The following SCUBE2 variants were observed in gnomAD, a reference collection of about 807,000 sequenced individuals.
SCUBE2 encodes the protein signal peptide, CUB domain and EGF like domain containing 2.
A neutral mutation model predicts 125.9 loss-of-function variants in SCUBE2; 114 were observed. The ratio of observed to expected loss-of-function variants is 0.91; its 90% CI spans 0.78 to 1.06. SCUBE2 has a LOEUF of 1.06. Ranked by LOEUF, SCUBE2 falls within the 50% of genes least tolerant of loss-of-function variation. SCUBE2 has a pLI of 0.00. For missense variants in SCUBE2, 1,255 were observed against 1,301.8 expected (o/e 0.96, Z 0.55); for synonymous variants, 459 against 492.9 (o/e 0.93, Z 0.91).
At position 9,047,362 on chromosome 11, in the gene SCUBE2, G is replaced by T; in HGVS notation, c.1996C>A (p.Gln666Lys). 1 of 1,614,090 alleles carries T rather than the reference G, an allele frequency of 6.2e-7. No homozygotes were observed. The highest frequency in any genetic ancestry group is 1.1e-5 in the South Asian group (1 of 91,066). ...AATGTCCCAGGCCACTCACCACATT[G>T]GTTTTCTGCATGACCCTGGCCCACT... ...CGVGQGHAEN[Q>K]CVSCRAGTYY... Residue 666 changes from glutamine to lysine, a missense_variant, in exon 16 of 23, where the codon CAA (glutamine) becomes AAA (lysine). By Grantham distance (53) the Gln-to-Lys change is moderately conservative. Coordinates refer to ENST00000649792, the MANE Select transcript of SCUBE2 (RefSeq NM_001367977.2).
chr11:9,081,673 CAA>C (rs76482625), intron 2 of SCUBE2, among the ~76,000 whole-genome samples: 11 of 82,126 alleles, frequency 1.3e-4, no homozygotes, highest in African/African-American at 3.6e-4. Flanking sequence ...AACAAACAAA[CAA>C]AAAAAAAAAA....
chr11:9,030,643 C>T (rs1304171663), intron 18 of SCUBE2, 115 bp downstream of exon 18: 6 of 1,071,554 alleles, frequency 5.6e-6, no homozygotes, highest in African/African-American at 1.6e-5. Context: ...GGGACCTGAA[C>T]CCCCAGCCAC....
intron 16 of SCUBE2, among the ~76,000 whole-genome samples, chr11:9,036,340 G>T: frequency 6.6e-6 from 1 of 152,192 alleles, no homozygotes; most frequent in East Asian, 1.9e-4. Context: ...ATATCGCTCT[G>T]GTTCCAGCCC....
intron 13 of SCUBE2, 110 bp downstream of exon 13, chr11:9,052,636 A>G (rs1858533095): frequency 2.6e-6 from 2 of 781,506 alleles, no homozygotes; most frequent in South Asian, 1.8e-5. Context: ...CACAGCATCA[A>G]GGAAATTAAC....
At chr11:9,031,049 C>G (rs1017539009) in intron 17 of SCUBE2, 124 bp from the exon 18 acceptor site, 1 of 811,724 alleles carries the variant, frequency 1.2e-6, no homozygotes, top group Non-Finnish European at 1.9e-6. Flanking sequence ...CCACCTCAGT[C>G]AGAGAGCACA....
chr11:9,091,498 C>T lies in SCUBE2; in HGVS notation c.31G>A (p.Ala11Thr), dbSNP rs1862739096. 1.8e-6 allele frequency: 2 copies of T among 1,105,788 alleles called. No homozygotes were observed. The highest frequency in any genetic ancestry group is 2.3e-6 in the Non-Finnish European group (2 of 863,282). The allele number at this position is 1,105,788 out of a possible 1,614,324, so 68.5% of individuals were successfully genotyped here. ...AGCAGCAGCAGCACCGCCCAGGCCGCCCCGGGACGGTTGCGGCCCGCGACC... is the reference window on the plus strand; with the variant it reads ...AGCAGCAGCAGCACCGCCCAGGCCGTCCCGGGACGGTTGCGGCCCGCGACC... MGVAGRNRPG[A>T]AWAVLLLLLL... is the part of the protein sequence containing the mutation. Residue 11 changes from alanine (A) to threonine (T), a missense_variant, in exon 1 of 23, where the codon GCG (alanine) becomes ACG (threonine). Transcript: ENST00000649792. This position sits in a 1 kb window ranked among gnomAD's most constrained non-coding sequence, Gnocchi z 8.5.
intron 6 of SCUBE2, among the ~76,000 whole-genome samples, chr11:9,066,240 C>T (rs1293990477): frequency 1.3e-5 from 2 of 152,210 alleles, no homozygotes; most frequent in African/African-American, 2.4e-5. Flanking sequence ...GGAATGCAAG[C>T]TTCAGTCCCC....
intron 13 of SCUBE2, among the ~76,000 whole-genome samples, chr11:9,051,906 G>C (rs1422966754): frequency 6.6e-6 from 1 of 152,194 alleles, no homozygotes; most frequent in Non-Finnish European, 1.5e-5. Context: ...TGCCCTGGCT[G>C]AGTCCAAACG....
chr11:9,034,819 G>GC (rs563047460), intron 16 of SCUBE2, among the ~76,000 whole-genome samples: 282 of 89,470 alleles, frequency 3.2e-3, no homozygotes, highest in African/African-American at 8.5e-3. Context: ...CGTCTCTACT[G>GC]AAAAAACAAA....
At chr11:9,064,892 C>T (rs1373758594) in intron 7 of SCUBE2, 1 of 152,032 alleles carries the variant, frequency 6.6e-6, no homozygotes, top group Non-Finnish European at 1.5e-5. Flanking sequence ...TGTCTGACTC[C>T]CACCCCCATG....
chr11:9,059,076 T>A (rs964145066), intron 9 of SCUBE2, among the ~76,000 whole-genome samples: 4 of 152,242 alleles, frequency 2.6e-5, no homozygotes, highest in African/African-American at 7.2e-5. Flanking sequence ...GATGGGTTCT[T>A]TAAGGTGTTC....
At chr11:9,057,688 GC>G (rs1859217711) in intron 9 of SCUBE2, among the ~76,000 whole-genome samples, 1 of 151,550 alleles carries the variant, frequency 6.6e-6, no homozygotes, top group East Asian at 1.9e-4. Flanking sequence ...CCTCCACCAT[GC>G]CCCCACCTAA....
At chr11:9,089,263 T>TAA (rs1862396649) in intron 2 of SCUBE2, among the ~76,000 whole-genome samples, 1 of 152,120 alleles carries the variant, frequency 6.6e-6, no homozygotes, top group Non-Finnish European at 1.5e-5. Flanking sequence ...GCCAAAGCCA[T>TAA]AAACAGGATG....
At chr11:9,033,539 G>T in intron 17 of SCUBE2, 87 bp downstream of exon 17, 2 of 1,458,494 alleles carry the variant, frequency 1.4e-6, no homozygotes, top group Non-Finnish European at 1.9e-6. Context: ...GGGTGAGTGT[G>T]CATTGTCTGG....
At chr11:9,072,301 C>A (rs1860867382) in intron 4 of SCUBE2, among the ~76,000 whole-genome samples, 1 of 152,170 alleles carries the variant, frequency 6.6e-6, no homozygotes, top group Non-Finnish European at 1.5e-5. Context: ...CTCCACCTCC[C>A]AGGTTCACGC....
At chr11:9,041,687 T>C (rs996562692) in intron 16 of SCUBE2, among the ~76,000 whole-genome samples, 4 of 151,788 alleles carry the variant, frequency 2.6e-5, no homozygotes, top group African/African-American at 9.7e-5. Flanking sequence ...TGAAGAGAAA[T>C]GGGAGGTAAG....
rs995888929 is a variant in SCUBE2 at position 9,019,689 on chromosome 11, T to G, written c.*1356A>C. 1.1e-4 allele frequency among the ~76,000 whole-genome samples: 16 copies of G among 152,344 alleles called. 1 individual carries two copies. The highest frequency in any genetic ancestry group is 3.8e-4 in the African/African-American group (16 of 41,580). ...TTTAACCATAATGAAGTTCTCTTTG[T>G]TTTCTTCAAAAATGCTTGTTAAACA... On this transcript the variant is annotated 3_prime_UTR_variant, in exon 23 of 23. Transcript: ENST00000649792.
chr11:9,025,644 GAA>G (rs766961429), intron 21 of SCUBE2, 56 bp downstream of exon 21: 1 of 1,572,626 alleles, frequency 6.4e-7, no homozygotes, highest in South Asian at 1.2e-5. Context: ...AGCTGGCTCC[GAA>G]GTTGGCTCTG....
At chr11:9,033,133 A>T (rs1190709476) in intron 17 of SCUBE2, among the ~76,000 whole-genome samples, 1 of 152,220 alleles carries the variant, frequency 6.6e-6, no homozygotes, top group Non-Finnish European at 1.5e-5. Flanking sequence ...ACAGAGCTTG[A>T]GATTGACTTC....
Sources: allele counts gnomAD v4.1 joint callset (sites outside exome capture counted in the v4.1 genomes callset), GRCh38; gene constraint gnomAD v4.1.1; non-coding constraint Gnocchi (gnomAD v3.1); transcripts MANE v1.5; gene names NCBI Gene and HGNC (gene_info 2026-07-23, HGNC 2026-07-21).